Variants in GMDS observed in about 807,000 individuals in gnomAD.
GMDS encodes the protein GDP-mannose 4,6 dehydratase.
A neutral mutation model predicts 49.9 loss-of-function variants in GMDS; 20 were observed. The observed-to-expected ratio is 0.40, with a 90% CI of 0.28 to 0.58. The LOEUF (loss-of-function observed/expected upper bound fraction) is 0.58. GMDS is among the 20% of genes least tolerant of loss of function. The pLI is 0.42. For missense variants in GMDS, 362 were observed against 481.4 expected (o/e 0.75, Z 2.32); for synonymous variants, 177 against 178.6 (o/e 0.99, Z 0.07).
At chr6:2,215,763 C>T (rs1780306710) in intron 1 of GMDS, among the ~76,000 whole-genome samples, 1 of 152,052 alleles carries the variant, frequency 6.6e-6, no homozygotes, top group Admixed American at 6.5e-5. Context: ...TATTCGGACC[C>T]TGATTCAAAC....
At chr6:1,804,793 G>T (rs574484080) in intron 7 of GMDS, among the ~76,000 whole-genome samples, 1 of 151,858 alleles carries the variant, frequency 6.6e-6, no homozygotes, top group East Asian at 1.9e-4. Flanking sequence ...AACATCATAC[G>T]CTCATTTTCA....
chr6:1,680,114 C>T (rs1355034121), intron 9 of GMDS, among the ~76,000 whole-genome samples: 3 of 152,204 alleles, frequency 2.0e-5, no homozygotes, highest in African/African-American at 4.8e-5. Context: ...AAATTACGCG[C>T]ACTTTGTAGA....
intron 4 of GMDS, among the ~76,000 whole-genome samples, chr6:2,017,857 C>T (rs923244917): frequency 6.6e-6 from 1 of 151,936 alleles, no homozygotes; most frequent in South Asian, 2.1e-4. Flanking sequence ...CATTACATTT[C>T]CAAAAAAGTC....
intron 4 of GMDS, among the ~76,000 whole-genome samples, chr6:2,034,095 C>T (rs983428721): frequency 6.6e-6 from 1 of 152,150 alleles, no homozygotes; most frequent in Non-Finnish European, 1.5e-5. Context: ...TATGTATATG[C>T]ATATATGTGT....
At chr6:1,939,380 C>A (rs570534873) in intron 6 of GMDS, among the ~76,000 whole-genome samples, 1 of 151,936 alleles carries the variant, frequency 6.6e-6, no homozygotes, top group Admixed American at 6.6e-5. Flanking sequence ...GATACTAACA[C>A]CTGGGATGCT....
chr6:1,741,673 A>G (rs1246076568), intron 8 of GMDS, among the ~76,000 whole-genome samples: 2 of 151,154 alleles, frequency 1.3e-5, no homozygotes, highest in Non-Finnish European at 3.0e-5. Flanking sequence ...TTAGCTGGGC[A>G]TGGTGGGGCA....
rs77646110 is a variant in GMDS, at chr6:2,082,904, A to C, written c.345+32867T>G. 4.2e-4 allele frequency among the ~76,000 whole-genome samples: 64 copies of C among 152,360 alleles called. No individual in the cohort carries two copies. In the East Asian group the frequency reaches 0.012, roughly 29 times the overall value. On this transcript the variant is annotated intron_variant, in intron 4 of 10. Coordinates refer to ENST00000380815, the MANE Select transcript of GMDS (RefSeq NM_001500.4). ...CCCCAAAGTGGGTAAAGGTGGTTAA[A>C]GTAAGTTACACACCTTGGTACTGAC... is the stretch of plus-strand genomic sequence containing the variant.
chr6:1,834,099 T>C (rs577445058), intron 7 of GMDS, among the ~76,000 whole-genome samples: 242 of 152,340 alleles, frequency 1.6e-3, no homozygotes, highest in Non-Finnish European at 2.9e-3. Context: ...AGTTCAATCC[T>C]GGTAGGTTAC....
intron 8 of GMDS, among the ~76,000 whole-genome samples, chr6:1,739,065 A>C (rs1282470832): frequency 6.6e-6 from 1 of 152,254 alleles, no homozygotes; most frequent in Non-Finnish European, 1.5e-5. Flanking sequence ...AGCACTGAGG[A>C]TAACCTGGGA....
intron 1 of GMDS, among the ~76,000 whole-genome samples, chr6:2,173,578 C>A (rs1308411302): frequency 6.6e-6 from 1 of 152,060 alleles, no homozygotes; most frequent in African/African-American, 2.4e-5. Flanking sequence ...TCTGAGTGGG[C>A]ATAAATTGAA....
chr6:1,973,685 A>G (rs1764739468), intron 4 of GMDS, among the ~76,000 whole-genome samples: 1 of 152,198 alleles, frequency 6.6e-6, no homozygotes, highest in East Asian at 1.9e-4. Context: ...CTTTCCTTTT[A>G]TGAATACTAT....
At chr6:2,149,429 C>T (rs3800168) in intron 1 of GMDS, among the ~76,000 whole-genome samples, 6,170 of 152,144 alleles carry the variant, frequency 0.041, 255 homozygotes, top group South Asian at 0.13. Flanking sequence ...CACAGAACTC[C>T]CATGAACAGG....
At chr6:2,231,670 C>T (rs1055675498) in intron 1 of GMDS, among the ~76,000 whole-genome samples, 17 of 152,120 alleles carry the variant, frequency 1.1e-4, no homozygotes, top group African/African-American at 4.1e-4. Flanking sequence ...TTATGGTGCT[C>T]AATATCAAAT....
At chr6:2,211,051 C>T (rs1215165926) in intron 1 of GMDS, among the ~76,000 whole-genome samples, 1 of 152,180 alleles carries the variant, frequency 6.6e-6, no homozygotes, top group East Asian at 1.9e-4. Flanking sequence ...AAGTTTCCTG[C>T]AGCCTCCCAG....
intron 7 of GMDS, among the ~76,000 whole-genome samples, chr6:1,787,590 T>C (rs1769373375): frequency 6.6e-6 from 1 of 152,260 alleles, no homozygotes; most frequent in African/African-American, 2.4e-5. Flanking sequence ...ACAAAATTAA[T>C]ATGCAAAGTC....
chr6:1,803,116 G>A (rs1770014784), intron 7 of GMDS, among the ~76,000 whole-genome samples: 1 of 152,216 alleles, frequency 6.6e-6, no homozygotes, highest in Admixed American at 6.5e-5. Context: ...ACCTCATGCA[G>A]GCAGCCGACA....
At chr6:2,155,792 A>G (rs897878401) in intron 1 of GMDS, among the ~76,000 whole-genome samples, 2 of 152,160 alleles carry the variant, frequency 1.3e-5, no homozygotes, top group African/African-American at 2.4e-5. Context: ...GAAATGAAGG[A>G]TAAGAATCAG....
chr6:1,715,966 C>T (rs76072383), intron 9 of GMDS, among the ~76,000 whole-genome samples: 3,025 of 152,194 alleles, frequency 0.02, 92 homozygotes, highest in African/African-American at 0.069. Flanking sequence ...TTTTAGATGA[C>T]GATGTTAGGC....
chr6:2,219,677 AC>A (rs1383618374), intron 1 of GMDS, among the ~76,000 whole-genome samples: 1 of 152,186 alleles, frequency 6.6e-6, no homozygotes, highest in Non-Finnish European at 1.5e-5. Context: ...CAAACAGAGC[AC>A]CGACCACACC....
Sources: allele counts gnomAD v4.1 joint callset (sites outside exome capture counted in the v4.1 genomes callset), GRCh38; gene constraint gnomAD v4.1.1; transcripts MANE v1.5; gene names NCBI Gene and HGNC (gene_info 2026-07-23, HGNC 2026-07-21).